GPC5: variants seen among roughly 807,000 people sequenced by gnomAD.
GPC5 encodes glypican 5.
In GPC5, 47 loss-of-function variants were observed where a neutral mutation model predicts 53.9. The ratio of observed to expected loss-of-function variants is 0.87; its 90% CI spans 0.69 to 1.11. The LOEUF (loss-of-function observed/expected upper bound fraction) is 1.11, where lower values mean the gene tolerates loss of function less well. GPC5 is among the 50% of genes most tolerant of loss of function. GPC5 has a pLI of 0.00. For missense variants in GPC5, 748 were observed against 713.1 expected (o/e 1.05, Z -0.56); for synonymous variants, 286 against 263.3 (o/e 1.09, Z -0.84).
At chr13:92,143,977 C>T (rs1395076152) in intron 6 of GPC5, among the ~76,000 whole-genome samples, 7 of 152,140 alleles carry the variant, frequency 4.6e-5, no homozygotes, top group Admixed American at 2.6e-4. Context: ...CTAGTGCTCA[C>T]ACTTGGCCAT....
chr13:91,752,835 C>T (rs928361988), intron 4 of GPC5, among the ~76,000 whole-genome samples: 1 of 152,196 alleles, frequency 6.6e-6, no homozygotes, highest in African/African-American at 2.4e-5. Flanking sequence ...GCATCAACAT[C>T]ACATGAGTGC....
chr13:92,856,334 AG>A (rs1878997985), intron 7 of GPC5, among the ~76,000 whole-genome samples: 1 of 151,920 alleles, frequency 6.6e-6, no homozygotes, highest in African/African-American at 2.4e-5. Flanking sequence ...TAAGCACTGA[AG>A]GAAAATACCT....
intron 7 of GPC5, among the ~76,000 whole-genome samples, chr13:92,851,318 A>G (rs1878792133): frequency 6.6e-6 from 1 of 152,076 alleles, no homozygotes; most frequent in African/African-American, 2.4e-5. Context: ...ACTGACATCT[A>G]CACTCTGGTC....
chr13:92,814,650 G>C (rs1157484854), intron 7 of GPC5, among the ~76,000 whole-genome samples: 1 of 148,290 alleles, frequency 6.7e-6, no homozygotes, highest in East Asian at 2.0e-4. Context: ...GACAGAACAA[G>C]ACTCTGTCTC....
Position 92,355,373 on chromosome 13 carries a change from G to T in GPC5, c.1561+210384G>T, listed in dbSNP as rs549725714. Among the ~76,000 whole-genome samples, 7 of 151,986 alleles carry T rather than the reference G, an allele frequency of 4.6e-5. No individual in the cohort carries two copies. In the South Asian group the frequency reaches 1.5e-3, roughly 32 times the overall value. On this transcript the variant is annotated intron_variant, in intron 7 of 7. Coordinates refer to ENST00000377067, the MANE Select transcript of GPC5 (RefSeq NM_004466.6). ...CTGAATCTGCAGTATTAAAACCTAAGGACACTGCTCCCCCTGCAGACTCTG... is the reference window on the plus strand; with the variant it reads ...CTGAATCTGCAGTATTAAAACCTAATGACACTGCTCCCCCTGCAGACTCTG...
chr13:92,125,438 A>G (rs533590108), intron 6 of GPC5, among the ~76,000 whole-genome samples: 9 of 152,306 alleles, frequency 5.9e-5, no homozygotes, highest in East Asian at 1.9e-4. Context: ...TAATAGTCCA[A>G]TGAAGAGGTA....
At chr13:92,615,418 A>G (rs1884647406) in intron 7 of GPC5, among the ~76,000 whole-genome samples, 1 of 152,196 alleles carries the variant, frequency 6.6e-6, no homozygotes, top group Non-Finnish European at 1.5e-5. Flanking sequence ...CCCCATTTCT[A>G]TAGAACATGT....
At chr13:92,635,832 T>C (rs1885390617) in intron 7 of GPC5, among the ~76,000 whole-genome samples, 1 of 152,204 alleles carries the variant, frequency 6.6e-6, no homozygotes, top group South Asian at 2.1e-4. Flanking sequence ...ATAAAGCACA[T>C]CCTCAGTCAC....
chr13:91,566,015 G>A (rs947159258), intron 2 of GPC5, among the ~76,000 whole-genome samples: 2 of 151,960 alleles, frequency 1.3e-5, no homozygotes, highest in African/African-American at 2.4e-5. Context: ...TAATTATAAG[G>A]ACACTTGTTA....
At chr13:91,830,984 TTA>T (rs1242631959) in intron 5 of GPC5, among the ~76,000 whole-genome samples, 3 of 136,626 alleles carry the variant, frequency 2.2e-5, no homozygotes, top group Non-Finnish European at 3.1e-5. Flanking sequence ...ATATATCCTA[TTA>T]TATATATAAT....
intron 2 of GPC5, among the ~76,000 whole-genome samples, chr13:91,592,569 C>T (rs889528380): frequency 6.6e-6 from 1 of 152,174 alleles, no homozygotes; most frequent in African/African-American, 2.4e-5. Context: ...TCACCCCCTT[C>T]ATGCTCTGAG....
intron 7 of GPC5, among the ~76,000 whole-genome samples, chr13:92,402,088 C>A (rs1467068452): frequency 6.6e-6 from 1 of 151,998 alleles, no homozygotes; most frequent in Admixed American, 6.6e-5. Flanking sequence ...GGAATTACAC[C>A]CCGCTTCTAC....
rs995181072 is a variant in GPC5, at chr13:92,108,999, A to G, written c.1402-35831A>G. On this transcript the variant is annotated intron_variant, in intron 6 of 7. Transcript: ENST00000377067. ...AGACCCTCATAATCACAGCTCTCAA[A>G]TGTTTATCTTGCTGCCTTGCTGTTT... Among the ~76,000 whole-genome samples, 3 of 149,960 alleles carry G rather than the reference A, an allele frequency of 2.0e-5. No homozygotes were observed. The East Asian group carries it at 5.9e-4, about 29-fold the overall frequency.
chr13:91,852,070 C>T (rs1241107598), intron 5 of GPC5, among the ~76,000 whole-genome samples: 4 of 151,778 alleles, frequency 2.6e-5, no homozygotes, highest in Non-Finnish European at 2.9e-5. Context: ...CCTGAGGAAT[C>T]GCCACACTGA....
At chr13:91,915,890 T>C (rs1566339739) in intron 6 of GPC5, among the ~76,000 whole-genome samples, 2 of 152,186 alleles carry the variant, frequency 1.3e-5, no homozygotes, top group African/African-American at 4.8e-5. Flanking sequence ...AGGAAAATAA[T>C]ATTTTTGACA....
intron 1 of GPC5, among the ~76,000 whole-genome samples, chr13:91,414,275 C>A (rs1228146942): frequency 6.6e-6 from 1 of 152,196 alleles, no homozygotes; most frequent in East Asian, 1.9e-4. Context: ...GGGGCTTTTT[C>A]CCCTTTGCGC....
chr13:92,709,044 C>A (rs12385836), intron 7 of GPC5, among the ~76,000 whole-genome samples: 1 of 148,772 alleles, frequency 6.7e-6, no homozygotes, highest in African/African-American at 2.5e-5. Flanking sequence ...CACCATCTGG[C>A]TAATTTTTTT....
chr13:92,812,281 T>C (rs1452305370), intron 7 of GPC5, among the ~76,000 whole-genome samples: 2 of 151,952 alleles, frequency 1.3e-5, no homozygotes, highest in Admixed American at 1.3e-4. Flanking sequence ...GTTTTTAGTA[T>C]ACAGTGTTTC....
chr13:92,067,543 T>A (rs1178888553), intron 6 of GPC5, among the ~76,000 whole-genome samples: 1 of 151,874 alleles, frequency 6.6e-6, no homozygotes, highest in Non-Finnish European at 1.5e-5. Context: ...GAGGAAAAAA[T>A]TCCAAGCAAC....
Sources: gnomAD v4.1 joint callset for allele counts (sites outside exome capture counted in the v4.1 genomes callset) on GRCh38, gnomAD v4.1.1 for gene constraint, MANE v1.5 for transcripts, NCBI Gene and HGNC (gene_info 2026-07-23, HGNC 2026-07-21) for gene names.